Variants in KIAA1328 observed in about 807,000 individuals in gnomAD.
The protein encoded by KIAA1328 is KIAA1328.
KIAA1328 carries 52 observed loss-of-function variants against 68.1 expected under a neutral mutation model. The observed-to-expected ratio is 0.76, with a 90% CI of 0.61 to 0.96. The LOEUF is 0.96. KIAA1328 is among the 40% of genes least tolerant of loss of function. The probability of loss-of-function intolerance (pLI) is 0.00; values close to 1 mark genes in which losing one functional copy is unlikely to be tolerated. For synonymous variants in KIAA1328, 232 were observed against 239.4 expected (o/e 0.97, Z 0.28); for missense variants, 641 against 677.6 (o/e 0.95, Z 0.60).
intron 7 of KIAA1328, among the ~76,000 whole-genome samples, chr18:37,118,202 C>T (rs1408008145): frequency 6.6e-6 from 1 of 151,978 alleles, no homozygotes; most frequent in Admixed American, 6.6e-5. Context: ...GCTATGTTGC[C>T]TAGGATGGTC....
chr18:37,223,046 C>CTGGGG lies in KIAA1328; in HGVS notation c.*819_*820insTGGGG. On this transcript the variant is annotated 3_prime_UTR_variant, in exon 10 of 10. Transcript: ENST00000280020. ...TATTTACCCAAGTGTTCAGCTTATT[C>CTGGGG]ACCCCACCCCCCCACCCCCCATCAC... is the stretch of plus-strand genomic sequence containing the variant. 3.4e-6 allele frequency: 3 copies of CTGGGG among 881,424 alleles called. No individual in the cohort carries two copies. The highest frequency in any genetic ancestry group is 4.0e-6 in the Non-Finnish European group (3 of 743,500). 54.6% of individuals were successfully genotyped at this position (881,424 alleles called of 1,614,324 possible). A position where few individuals can be genotyped will look rare whatever the true frequency, so the allele number is the denominator to read the frequency against.
Position 37,081,142 on chromosome 18 carries a change from A to C in KIAA1328, c.1232+13597A>C, listed in dbSNP as rs569942304. The stretch of plus-strand genomic sequence containing the variant: ...GATTGCAGGCACGCACCACCACACC[A>C]GGCTAATTTTTGTATTTTTAGTAGA... On this transcript the variant is annotated intron_variant, in intron 7 of 9. Coordinates refer to ENST00000280020, the MANE Select transcript of KIAA1328 (RefSeq NM_020776.3). Among the ~76,000 whole-genome samples, 155 of 151,918 alleles carry C rather than the reference A, an allele frequency of 1.0e-3. 2 individuals carry two copies. The highest frequency in any genetic ancestry group is 3.7e-3 in the African/African-American group (153 of 41,484).
intron 5 of KIAA1328, among the ~76,000 whole-genome samples, chr18:36,942,308 T>C (rs2050745186): frequency 6.6e-6 from 1 of 152,228 alleles, no homozygotes; most frequent in South Asian, 2.1e-4. Context: ...TATGCTCAAA[T>C]TGCTTCCAAA....
intron 7 of KIAA1328, among the ~76,000 whole-genome samples, chr18:37,070,619 G>T: frequency 6.7e-6 from 1 of 148,284 alleles, no homozygotes. Flanking sequence ...CGCTGAGGTT[G>T]GAGTGCAGTG....
At chr18:37,193,827 C>T in intron 9 of KIAA1328, 1 of 584,710 alleles carries the variant, frequency 1.7e-6, no homozygotes, top group Admixed American at 3.0e-5. Context: ...TTCCTCACAT[C>T]TCAGTCTCTC....
At chr18:37,069,139 AT>A (rs1413152334) in intron 7 of KIAA1328, among the ~76,000 whole-genome samples, 1 of 152,146 alleles carries the variant, frequency 6.6e-6, no homozygotes, top group African/African-American at 2.4e-5. Context: ...AATTACATAG[AT>A]TTTTAAATAT....
chr18:37,112,359 C>T (rs992957775), intron 7 of KIAA1328, among the ~76,000 whole-genome samples: 2 of 152,184 alleles, frequency 1.3e-5, no homozygotes, highest in South Asian at 2.1e-4. Flanking sequence ...ATTTGCTGTT[C>T]TGCAATATTT....
At chr18:37,208,753 T>C (rs1023386580) in intron 9 of KIAA1328, among the ~76,000 whole-genome samples, 9 of 152,136 alleles carry the variant, frequency 5.9e-5, no homozygotes, top group African/African-American at 2.2e-4. Context: ...CAATTAAAGC[T>C]AGGAGATAGA....
chr18:36,829,143 C>A lies in KIAA1328; in HGVS notation c.5C>A (p.Ala2Glu). Residue 2 changes from alanine to glutamate, a missense_variant, in exon 1 of 10, where the codon GCG becomes GAG. By Grantham distance (107) the Ala-to-Glu change is moderately radical (BLOSUM62 -1). Transcript: ENST00000280020. M[A>E]DVAGPSRPSA... ...CCGAGTGGCGGTTGTTTCAAGATGG[C>A]GGACGTGGCGGGCCCCTCCCGCCCC... is the stretch of plus-strand genomic sequence containing the variant. 4 of 1,533,758 alleles carry A rather than the reference C, an allele frequency of 2.6e-6. No individual in the cohort carries two copies. Among genetic ancestry groups the A allele is most frequent in the South Asian group, 1.2e-5 (1 of 82,522 alleles).
At chr18:37,083,524 G>C (rs563328635) in intron 7 of KIAA1328, among the ~76,000 whole-genome samples, 1 of 152,148 alleles carries the variant, frequency 6.6e-6, no homozygotes, top group Non-Finnish European at 1.5e-5. Flanking sequence ...CTCAACTCCC[G>C]GTAGAAAACC....
intron 5 of KIAA1328, among the ~76,000 whole-genome samples, chr18:36,897,112 A>G (rs914558380): frequency 6.6e-6 from 1 of 152,134 alleles, no homozygotes; most frequent in Admixed American, 6.6e-5. Context: ...ATTAGAAGTC[A>G]ACAGAATATC....
intron 7 of KIAA1328, among the ~76,000 whole-genome samples, chr18:37,071,488 A>AATAAAACT (rs2056532660): frequency 6.6e-6 from 1 of 152,180 alleles, no homozygotes; most frequent in African/African-American, 2.4e-5. Context: ...ATAATGCAAC[A>AATAAAACT]ATAAAACTAT....
chr18:36,917,298 T>C (rs1194310926), intron 5 of KIAA1328, among the ~76,000 whole-genome samples: 1 of 152,160 alleles, frequency 6.6e-6, no homozygotes, highest in Non-Finnish European at 1.5e-5. Context: ...AGGGTCTTGC[T>C]ATGTCACCCT....
At position 37,222,893 on chromosome 18, in the gene KIAA1328, C is replaced by T; in HGVS notation, c.*666C>T. Reference sequence around the variant, plus strand: ...TCCTTGGGAGCAAGCAGCACTAAATCACATCAGGGAGTGATTAGTCCTGGG... The same window carrying T: ...TCCTTGGGAGCAAGCAGCACTAAATTACATCAGGGAGTGATTAGTCCTGGG... On this transcript the variant is annotated 3_prime_UTR_variant, in exon 10 of 10. Coordinates refer to ENST00000280020, the MANE Select transcript of KIAA1328 (RefSeq NM_020776.3). The T allele has an allele frequency of 1.0e-6, 1 of 987,448 alleles. No homozygotes were observed. The highest frequency in any genetic ancestry group is 1.2e-6 in the Non-Finnish European group (1 of 831,414). 61.2% of individuals were successfully genotyped at this position (987,448 alleles called of 1,614,324 possible).
downstream of KIAA1328, among the ~76,000 whole-genome samples, chr18:37,226,807 G>T (rs1282830314): frequency 7.8e-6 from 1 of 128,270 alleles, no homozygotes; most frequent in Non-Finnish European, 1.6e-5. Flanking sequence ...CGTTCTTGTT[G>T]CCTAGGCTGG....
At chr18:37,180,190 G>A (rs963804321) in intron 9 of KIAA1328, among the ~76,000 whole-genome samples, 6 of 151,924 alleles carry the variant, frequency 3.9e-5, no homozygotes, top group Non-Finnish European at 8.8e-5. Context: ...AGCATTGGCA[G>A]AATGATTTTA....
chr18:36,961,258 C>T (rs4602109), intron 6 of KIAA1328, among the ~76,000 whole-genome samples: 1 of 152,070 alleles, frequency 6.6e-6, no homozygotes, highest in Non-Finnish European at 1.5e-5. Flanking sequence ...AGAAGACAAG[C>T]TTAGAGAAAA....
intron 7 of KIAA1328, among the ~76,000 whole-genome samples, chr18:37,123,092 T>G (rs1278767609): frequency 6.6e-6 from 1 of 152,160 alleles, no homozygotes; most frequent in Non-Finnish European, 1.5e-5. Context: ...TGCTAACCCT[T>G]GGTTTCCCCA....
chr18:37,004,378 A>C (rs933968497), intron 6 of KIAA1328, among the ~76,000 whole-genome samples: 1 of 152,024 alleles, frequency 6.6e-6, no homozygotes, highest in African/African-American at 2.4e-5. Context: ...ACTAATATCC[A>C]GAATCTACAG....
Sources: allele counts gnomAD v4.1 joint callset (sites outside exome capture counted in the v4.1 genomes callset), GRCh38; gene constraint gnomAD v4.1.1; transcripts MANE v1.5; gene names NCBI Gene and HGNC (gene_info 2026-07-23, HGNC 2026-07-21).